Variants in PKN2 observed in about 807,000 individuals in gnomAD.
The protein encoded by PKN2 is serine/threonine-protein kinase N2.
Under a neutral mutation model 119.1 loss-of-function variants are expected in PKN2, and 38 were observed. The ratio of observed to expected loss-of-function variants is 0.32; its 90% CI spans 0.25 to 0.42. PKN2 has a LOEUF of 0.42. Ranked by LOEUF, PKN2 falls within the 10% of genes least tolerant of loss-of-function variation. The pLI, the probability that PKN2 is intolerant of heterozygous loss-of-function variation, is 1.00. For missense variants in PKN2, 850 were observed against 1,165.1 expected, an observed-to-expected ratio of 0.73 and a Z score of 3.94; for synonymous variants, 390 against 384.9, an observed-to-expected ratio of 1.01 and a Z score of -0.15.
Position 88,684,633 on chromosome 1 carries a change from G to A in PKN2, c.48+5G>A. The A allele has an allele frequency of 6.4e-7, 1 of 1,552,780 alleles. No homozygotes were observed. Among genetic ancestry groups the A allele is most frequent in the Non-Finnish European group, 8.7e-7 (1 of 1,150,270 alleles). On this transcript the variant is annotated splice_donor_5th_base_variant and intron_variant, in intron 1 of 21. Transcript: ENST00000370521. The stretch of plus-strand genomic sequence containing the variant: ...ATTCTGCTCACGGAACTGCAGGTAA[G>A]GGCCGCGGCCCTGGTGAGAGGCGCT...
chr1:88,746,953 A>G (rs1482407833), intron 2 of PKN2, among the ~76,000 whole-genome samples: 4 of 152,188 alleles, frequency 2.6e-5, no homozygotes, highest in South Asian at 2.1e-4. Context: ...CATTTGCAAC[A>G]TGGATGAACC....
At chr1:88,825,539 A>G (rs561954780) in intron 18 of PKN2, among the ~76,000 whole-genome samples, 15 of 152,302 alleles carry the variant, frequency 9.8e-5, no homozygotes, top group Admixed American at 2.6e-4. Flanking sequence ...CTTGCGTTCT[A>G]TCCTGTTCTC....
intron 1 of PKN2, among the ~76,000 whole-genome samples, chr1:88,736,933 C>T (rs1188714569): frequency 6.6e-6 from 1 of 152,142 alleles, no homozygotes; most frequent in Non-Finnish European, 1.5e-5. Context: ...TGTGAGTTTC[C>T]ACTGGGGCCA....
chr1:88,755,453 G>T (rs933991946), intron 2 of PKN2, among the ~76,000 whole-genome samples: 1 of 152,162 alleles, frequency 6.6e-6, no homozygotes, highest in Non-Finnish European at 1.5e-5. Context: ...CTGCATAGGT[G>T]TACACTTTTG....
In PKN2 at chr1:88,708,668, G is replaced by A. The variant is rs1265700626; in HGVS notation, c.48+24040G>A. On this transcript the variant is annotated intron_variant, in intron 1 of 21. Transcript: ENST00000370521. The stretch of plus-strand genomic sequence containing the variant: ...GTAGAGATGGGGTTTCACCATATTG[G>A]CCAGGATGATCTTGAACTCCTGATC... Among the ~76,000 whole-genome samples, 3 of 146,252 alleles carry A rather than the reference G, an allele frequency of 2.1e-5. No homozygotes were observed. In the South Asian group the frequency reaches 6.4e-4, roughly 31 times the overall value.
chr1:88,757,552 G>T (rs1669255003), intron 2 of PKN2, among the ~76,000 whole-genome samples: 1 of 152,154 alleles, frequency 6.6e-6, no homozygotes, highest in African/African-American at 2.4e-5. Flanking sequence ...TTATATTGTA[G>T]AGGAGTGAAG....
chr1:88,692,109 CT>C, intron 1 of PKN2, among the ~76,000 whole-genome samples: 1 of 151,704 alleles, frequency 6.6e-6, no homozygotes, highest in Middle Eastern at 3.4e-3. Flanking sequence ...TGAATATAAT[CT>C]TTTTGAACTT....
At chr1:88,772,248 AC>A (rs1669925998) in intron 6 of PKN2, among the ~76,000 whole-genome samples, 1 of 152,132 alleles carries the variant, frequency 6.6e-6, no homozygotes, top group Non-Finnish European at 1.5e-5. Context: ...ATAATTTGTG[AC>A]CTTTTTTGCC....
chr1:88,756,791 G>T (rs1399868220), intron 2 of PKN2, among the ~76,000 whole-genome samples: 1 of 152,102 alleles, frequency 6.6e-6, no homozygotes, highest in Non-Finnish European at 1.5e-5. Context: ...TCTACAGTGG[G>T]TACTGCTGGT....
intron 1 of PKN2, among the ~76,000 whole-genome samples, chr1:88,727,243 A>G (rs1667936301): frequency 8.0e-6 from 1 of 125,446 alleles, no homozygotes; most frequent in South Asian, 2.5e-4. Flanking sequence ...TACTTTTTTT[A>G]TTAATGTTTA....
chr1:88,803,093 A>G (rs892246362), intron 8 of PKN2, among the ~76,000 whole-genome samples: 2 of 152,146 alleles, frequency 1.3e-5, no homozygotes, highest in Admixed American at 6.5e-5. Flanking sequence ...TATTCTCCTC[A>G]TACTTCTTTC....
chr1:88,755,631 G>A (rs1360032023), intron 2 of PKN2, among the ~76,000 whole-genome samples: 1 of 151,930 alleles, frequency 6.6e-6, no homozygotes, highest in African/African-American at 2.4e-5. Context: ...TTTAAGCATC[G>A]ACCTGAGCAC....
At chr1:88,739,347 T>C (rs193108851) in intron 1 of PKN2, among the ~76,000 whole-genome samples, 203 of 152,200 alleles carry the variant, frequency 1.3e-3, no homozygotes, top group African/African-American at 4.6e-3. Context: ...AACTACTTCA[T>C]ATTTTGCATA....
intron 17 of PKN2, among the ~76,000 whole-genome samples, chr1:88,824,008 C>CAAAAAAAAAAAAAAAAAAAA (rs3061489): frequency 8.5e-6 from 1 of 117,040 alleles, no homozygotes; most frequent in African/African-American, 3.0e-5. Context: ...GACTCTGTCT[C>CAAAAAAAAAAAAAAAAAAAA]AAAAAAAAAA....
At chr1:88,759,870 T>C (rs1369760427) in intron 2 of PKN2, among the ~76,000 whole-genome samples, 1 of 152,068 alleles carries the variant, frequency 6.6e-6, no homozygotes, top group African/African-American at 2.4e-5. Context: ...TTGAATAGCC[T>C]ACCAACCAAA....
intron 2 of PKN2, among the ~76,000 whole-genome samples, chr1:88,755,484 C>G (rs1344284722): frequency 6.6e-6 from 1 of 152,130 alleles, no homozygotes; most frequent in Non-Finnish European, 1.5e-5. Context: ...AATAAATTCT[C>G]TAAGTTTCAG....
Position 88,804,476 on chromosome 1 carries a change from A to G in PKN2, c.1367A>G (p.Asp456Gly). Residue 456 changes from aspartate to glycine, a missense_variant, in exon 9 of 22, where the codon GAC (aspartate) becomes GGC (glycine). Asp to Gly is a moderately conservative substitution (Grantham distance 94, BLOSUM62 -1). Transcript: ENST00000370521. ...VKFLRLEDFLDNQRHGMCLYL... is the reference protein window; with the variant it reads ...VKFLRLEDFLGNQRHGMCLYL... ...TTTCTGAGGTTAGAAGATTTTTTAG[A>G]CAACCAACGGCATGGCATGTGTCTC... The G allele has an allele frequency of 6.2e-7, 1 of 1,613,756 alleles. No individual in the cohort carries two copies. The highest frequency in any genetic ancestry group is 8.5e-7 in the Non-Finnish European group (1 of 1,179,758).
intron 5 of PKN2, 44 bp from the exon 6 acceptor site, chr1:88,771,619 A>G (rs1342439460): frequency 1.3e-6 from 2 of 1,587,558 alleles, no homozygotes; most frequent in Non-Finnish European, 8.6e-7. Flanking sequence ...TATTCAAAGT[A>G]TGTGATTATT....
chr1:88,704,225 A>G (rs1666883052), intron 1 of PKN2, among the ~76,000 whole-genome samples: 1 of 152,192 alleles, frequency 6.6e-6, no homozygotes, highest in South Asian at 2.1e-4. Context: ...TTATACAAAA[A>G]GAATTATACA....
Sources: allele counts gnomAD v4.1 joint callset (sites outside exome capture counted in the v4.1 genomes callset), GRCh38; gene constraint gnomAD v4.1.1; transcripts MANE v1.5; gene names NCBI Gene and HGNC (gene_info 2026-07-23, HGNC 2026-07-21).